Variants in PKNOX2 observed in about 807,000 individuals in gnomAD.
The protein encoded by PKNOX2 is homeobox protein PKNOX2.
In PKNOX2, 14 loss-of-function variants were observed where a neutral mutation model predicts 53.1. That is an observed-to-expected ratio of 0.26 (90% CI 0.17 to 0.41). The LOEUF (loss-of-function observed/expected upper bound fraction) is 0.41. Among genes scored for constraint, PKNOX2 ranks in the 10% least tolerant of loss-of-function variants. The pLI is 1.00. For synonymous variants in PKNOX2, 257 were observed against 242.8 expected (o/e 1.06, Z -0.54); for missense variants, 496 against 602.8 (o/e 0.82, Z 1.85).
At chr11:125,187,840 C>T (rs535886582) in intron 1 of PKNOX2, among the ~76,000 whole-genome samples, 8 of 152,316 alleles carry the variant, frequency 5.3e-5, no homozygotes, top group Middle Eastern at 3.4e-3. Context: ...CGGCCTGGGC[C>T]AGGTGGGAAT....
At chr11:125,299,799 C>T (rs1355285737) in intron 2 of PKNOX2, among the ~76,000 whole-genome samples, 1 of 152,186 alleles carries the variant, frequency 6.6e-6, no homozygotes, top group Non-Finnish European at 1.5e-5. Context: ...CCCCACCGGG[C>T]TGCTCTGCTT....
At chr11:125,257,581 A>G (rs1411064742) in intron 2 of PKNOX2, among the ~76,000 whole-genome samples, 1 of 152,174 alleles carries the variant, frequency 6.6e-6, no homozygotes, top group African/African-American at 2.4e-5. Flanking sequence ...GCAGTTAGTA[A>G]CTTCTCTCAG....
intron 1 of PKNOX2, among the ~76,000 whole-genome samples, chr11:125,197,315 G>C (rs117350238): frequency 0.018 from 2,701 of 152,270 alleles, 41 homozygotes; most frequent in Non-Finnish European, 0.027. Flanking sequence ...CCAGGCTTAG[G>C]GGGTGGCTGA....
chr11:125,316,645 C>T (rs1433770097), intron 2 of PKNOX2, among the ~76,000 whole-genome samples: 1 of 152,184 alleles, frequency 6.6e-6, no homozygotes. Flanking sequence ...TGTGGAATAG[C>T]ATTATGCCTT....
chr11:125,178,565 C>CGAAGGAAGGAAGGAAGGAAG (rs1176892919), intron 1 of PKNOX2, among the ~76,000 whole-genome samples: 2 of 60,354 alleles, frequency 3.3e-5, no homozygotes, highest in East Asian at 5.4e-4. Flanking sequence ...AAGGAAGGAA[C>CGAAGGAAGGAAGGAAGGAAG]GAAGGAAGGA....
rs190551243 is a variant in PKNOX2, at chr11:125,345,156, G to A, written c.-22-6128G>A. Among the ~76,000 whole-genome samples the A allele has an allele frequency of 1.2e-4, 18 of 152,312 alleles. No homozygotes were observed. The East Asian group carries it at 3.5e-3, about 29-fold the overall frequency. On this transcript the variant is annotated intron_variant, in intron 3 of 12. Transcript: ENST00000298282. ...CCTTTCAGCACCCACAGTCCCTGGG[G>A]TGAAGAGGCAGGCGAGGGTGTTTGC...
At chr11:125,270,525 G>A (rs1945712216) in intron 2 of PKNOX2, among the ~76,000 whole-genome samples, 1 of 152,196 alleles carries the variant, frequency 6.6e-6, no homozygotes, top group South Asian at 2.1e-4. Context: ...GCCATTCAGT[G>A]TGTGTTCCCA....
At chr11:125,248,461 C>A (rs376017146) in intron 2 of PKNOX2, among the ~76,000 whole-genome samples, 1 of 151,928 alleles carries the variant, frequency 6.6e-6, no homozygotes, top group African/African-American at 2.4e-5. Flanking sequence ...GAAAATCTTG[C>A]GACTTTACTT....
chr11:125,350,630 A>G (rs775089762), intron 3 of PKNOX2, among the ~76,000 whole-genome samples: 56 of 152,140 alleles, frequency 3.7e-4, no homozygotes, highest in Non-Finnish European at 4.9e-4. Flanking sequence ...CGAGTCTGGG[A>G]AAGTACAGGA....
intron 2 of PKNOX2, among the ~76,000 whole-genome samples, chr11:125,324,311 G>A (rs532903824): frequency 1.3e-5 from 2 of 152,260 alleles, no homozygotes; most frequent in South Asian, 4.1e-4. Context: ...ACTTTCCAAA[G>A]TTGCTGCAAG....
chr11:125,279,602 C>T (rs1946415653), intron 2 of PKNOX2, among the ~76,000 whole-genome samples: 1 of 152,164 alleles, frequency 6.6e-6, no homozygotes, highest in Non-Finnish European at 1.5e-5. Context: ...CTGGTGGGCC[C>T]TGCCAGGCTT....
chr11:125,199,162 TTTGGTAG>T (rs1166279575), intron 1 of PKNOX2, among the ~76,000 whole-genome samples: 9 of 152,072 alleles, frequency 5.9e-5, no homozygotes, highest in Admixed American at 5.2e-4. Flanking sequence ...TTTTCTCCTC[TTTGGTAG>T]TTGATCTCAC....
chr11:125,306,984 C>T lies in PKNOX2; in HGVS notation c.-129-24835C>T, dbSNP rs117942167. ...TGGCATCTTAACCAGCCTCTTCCTC[C>T]CCGTTTCTCCTTCTCTGTGGGCCCA... On this transcript the variant is annotated intron_variant, in intron 2 of 12. Transcript: ENST00000298282. Among the ~76,000 whole-genome samples, 1,159 of 152,258 alleles carry T rather than the reference C, an allele frequency of 7.6e-3. 7 individuals carry two copies. Among genetic ancestry groups the T allele is most frequent in the Non-Finnish European group, 0.012 (803 of 68,028 alleles).
rs920401495 is a variant in PKNOX2, at chr11:125,380,141, G to A, written c.228-5410G>A. 5.9e-5 allele frequency among the ~76,000 whole-genome samples: 9 copies of A among 152,316 alleles called. No homozygotes were observed. In the South Asian group the frequency reaches 6.2e-4, roughly 11 times the overall value. On this transcript the variant is annotated intron_variant, in intron 5 of 12. Coordinates refer to ENST00000298282, the MANE Select transcript of PKNOX2 (RefSeq NM_001382323.2). Reference sequence around the variant, plus strand: ...CTGTGTCCGCGCTCCTGGGGAAGGCGCCCGCCCTCCCGGCACCCAGGCGGA... The same window carrying A: ...CTGTGTCCGCGCTCCTGGGGAAGGCACCCGCCCTCCCGGCACCCAGGCGGA...
In PKNOX2 at chr11:125,165,199, G is replaced by T. The variant is rs1422163804; in HGVS notation, c.-201+423G>T. Among the ~76,000 whole-genome samples the T allele has an allele frequency of 6.6e-6, 1 of 151,100 alleles. No homozygotes were observed. On this transcript the variant is annotated intron_variant, in intron 1 of 12. Transcript: ENST00000298282. The surrounding 1 kb of genome is among the most constrained non-coding windows in gnomAD (Gnocchi z 4.5). ...CGCGCTTGGGCCCGTGGCCGGCCGC[G>T]CATTGTCCTCGGGTGCAAGGAGCCG...
intron 2 of PKNOX2, among the ~76,000 whole-genome samples, chr11:125,268,437 G>A (rs1430850952): frequency 6.6e-6 from 1 of 152,230 alleles, no homozygotes; most frequent in African/African-American, 2.4e-5. Flanking sequence ...GGGGTCAAAC[G>A]TGGCATGGGA....
chr11:125,411,568 T>A, intron 9 of PKNOX2, 178 bp from the exon 10 acceptor site: 1 of 677,956 alleles, frequency 1.5e-6, no homozygotes, highest in Non-Finnish European at 2.3e-6. Context: ...CACCCAAGCC[T>A]CACCTCCACT....
intron 2 of PKNOX2, among the ~76,000 whole-genome samples, chr11:125,328,629 C>A (rs1233296341): frequency 1.3e-5 from 2 of 152,204 alleles, no homozygotes; most frequent in Non-Finnish European, 2.9e-5. Context: ...TGGCCCACCC[C>A]ACCACTCAGG....
Position 125,351,403 on chromosome 11 carries a change from A to G in PKNOX2, c.87+11A>G. On this transcript the variant is annotated intron_variant, in intron 4 of 12. Coordinates refer to ENST00000298282, the MANE Select transcript of PKNOX2 (RefSeq NM_001382323.2). Reference sequence around the variant, plus strand: ...CAGGACAGCCCACAGGTGAGTGCGCAGGGGCCGCTGCCTCCCACCACGGGG... The same window carrying G: ...CAGGACAGCCCACAGGTGAGTGCGCGGGGGCCGCTGCCTCCCACCACGGGG... 6.4e-7 allele frequency: 1 copy of G among 1,570,216 alleles called. No homozygotes were observed. The highest frequency in any genetic ancestry group is 1.3e-5 in the African/African-American group (1 of 74,280).
Sources: allele counts gnomAD v4.1 joint callset (sites outside exome capture counted in the v4.1 genomes callset), GRCh38; gene constraint gnomAD v4.1.1; non-coding constraint Gnocchi (gnomAD v3.1); transcripts MANE v1.5; gene names NCBI Gene and HGNC (gene_info 2026-07-23, HGNC 2026-07-21).